The following RSRC1 variants were observed in gnomAD, a reference collection of about 807,000 sequenced individuals.
RSRC1 encodes serine/Arginine-related protein 53.
RSRC1 carries 39 observed loss-of-function variants against 49.1 expected under a neutral mutation model. The observed-to-expected ratio is 0.79, with a 90% confidence interval of 0.61 to 1.04. The LOEUF is 1.04. RSRC1 is among the 50% of genes least tolerant of loss of function. The probability of loss-of-function intolerance (pLI) is 0.00; values close to 1 mark genes in which losing one functional copy is unlikely to be tolerated. For missense variants in RSRC1, 388 were observed against 402.4 expected, an observed-to-expected ratio of 0.96 and a Z score of 0.31; for synonymous variants, 143 against 130.8, an observed-to-expected ratio of 1.09 and a Z score of -0.63.
chr3:158,329,700 C>G (rs1729419496), intron 5 of RSRC1, among the ~76,000 whole-genome samples: 1 of 152,168 alleles, frequency 6.6e-6, no homozygotes, highest in Non-Finnish European at 1.5e-5. Context: ...CCACTTGAGA[C>G]AGTCTGAACA....
chr3:158,328,564 A>G (rs1252555929), intron 5 of RSRC1, among the ~76,000 whole-genome samples: 2 of 151,980 alleles, frequency 1.3e-5, no homozygotes, highest in East Asian at 1.9e-4. Context: ...ATTGGCCCCC[A>G]CTCTCTTCTG....
chr3:158,241,568 A>G (rs898141128), intron 4 of RSRC1, among the ~76,000 whole-genome samples: 1 of 152,064 alleles, frequency 6.6e-6, no homozygotes, highest in African/African-American at 2.4e-5. Flanking sequence ...TGCAGAGCTT[A>G]AAATGCTAGT....
At chr3:158,295,009 A>G (rs1578301420) in intron 4 of RSRC1, among the ~76,000 whole-genome samples, 1 of 152,210 alleles carries the variant, frequency 6.6e-6, no homozygotes, top group South Asian at 2.1e-4. Context: ...GACGTAATGC[A>G]TATCGCCAAG....
chr3:158,206,775 A>C (rs827144), intron 4 of RSRC1, among the ~76,000 whole-genome samples: 1 of 151,554 alleles, frequency 6.6e-6, no homozygotes, highest in Non-Finnish European at 1.5e-5. Context: ...TTAGCTGGGC[A>C]TAGTGGTGCG....
At chr3:158,380,015 A>G (rs1732618133) in intron 6 of RSRC1, among the ~76,000 whole-genome samples, 1 of 152,052 alleles carries the variant, frequency 6.6e-6, no homozygotes, top group Admixed American at 6.5e-5. Flanking sequence ...GAACCTACAC[A>G]TCATTTGTGC....
At chr3:158,455,979 CAAAAAAAAAAAA>C (rs765828003) in intron 6 of RSRC1, among the ~76,000 whole-genome samples, 37 of 56,516 alleles carry the variant, frequency 6.5e-4, no homozygotes, top group South Asian at 1.9e-3. Context: ...GACTCCATCT[CAAAAAAAAAAAA>C]AAAAAAAAAA....
chr3:158,309,740 A>T lies in RSRC1; in HGVS notation c.531+11665A>T, dbSNP rs189263196. On this transcript the variant is annotated intron_variant, in intron 5 of 9. Transcript: ENST00000611884. ...ATCAAAATAGCTACCCGAATATGTGATACACAAAGAAAGCTTTAATCTAAA... is the reference window on the plus strand; with the variant it reads ...ATCAAAATAGCTACCCGAATATGTGTTACACAAAGAAAGCTTTAATCTAAA... Among the ~76,000 whole-genome samples the T allele has an allele frequency of 6.6e-5, 10 of 151,890 alleles. No homozygotes were observed. The East Asian group carries it at 1.2e-3, about 18-fold the overall frequency.
chr3:158,216,727 A>G (rs1030446886), intron 4 of RSRC1, among the ~76,000 whole-genome samples: 15 of 151,674 alleles, frequency 9.9e-5, no homozygotes, highest in Admixed American at 7.9e-4. Context: ...TTTCCATCCT[A>G]TTTTATTATC....
chr3:158,250,699 T>G (rs1197244478), intron 4 of RSRC1, among the ~76,000 whole-genome samples: 1 of 152,246 alleles, frequency 6.6e-6, no homozygotes, highest in Non-Finnish European at 1.5e-5. Context: ...ATTGAGTTCC[T>G]TATATATTCT....
chr3:158,439,830 TAAAA>T lies in RSRC1; in HGVS notation c.584-21101_584-21098del, dbSNP rs977053265. Reference sequence around the variant, plus strand: ...AAGTACAATAAAAATTTAAAAATAATAAAAAAAGGTTACAGTGTGATAGGACTAC... The same window carrying T: ...AAGTACAATAAAAATTTAAAAATAATAAAGGTTACAGTGTGATAGGACTAC... On this transcript the variant is annotated intron_variant, in intron 6 of 9. Transcript: ENST00000611884. 2.0e-5 allele frequency among the ~76,000 whole-genome samples: 3 copies of T among 151,346 alleles called. No homozygotes were observed. The South Asian group carries it at 6.3e-4, about 32-fold the overall frequency.
intron 4 of RSRC1, among the ~76,000 whole-genome samples, chr3:158,204,195 A>G (rs1198118522): frequency 6.6e-6 from 1 of 152,180 alleles, no homozygotes; most frequent in African/African-American, 2.4e-5. Flanking sequence ...ATTAAAAGAT[A>G]CAGAACTCTT....
intron 6 of RSRC1, among the ~76,000 whole-genome samples, chr3:158,409,105 GAAC>G (rs1734296802): frequency 6.6e-6 from 1 of 151,982 alleles, no homozygotes; most frequent in Non-Finnish European, 1.5e-5. Flanking sequence ...ACGTAGAGGG[GAAC>G]AACAGCACAC....
At chr3:158,278,591 T>C (rs965731488) in intron 4 of RSRC1, among the ~76,000 whole-genome samples, 9 of 152,260 alleles carry the variant, frequency 5.9e-5, no homozygotes, top group African/African-American at 2.2e-4. Context: ...CCGCTTGGAC[T>C]CATTTGCCTT....
chr3:158,119,832 C>CTTT (rs35646318), intron 1 of RSRC1, among the ~76,000 whole-genome samples: 5,762 of 129,024 alleles, frequency 0.045, 248 homozygotes, highest in Non-Finnish European at 0.05. Context: ...ATTTCATAGT[C>CTTT]TTTTTTTTTT....
intron 3 of RSRC1, among the ~76,000 whole-genome samples, chr3:158,146,128 C>T (rs572831023): frequency 6.6e-6 from 1 of 152,132 alleles, no homozygotes; most frequent in African/African-American, 2.4e-5. Context: ...ATTCCTTTCT[C>T]CTGCCTGATT....
In RSRC1 at chr3:158,253,016, T is replaced by C. The variant is rs550099304; in HGVS notation, c.495-45023T>C. ...CTAAAGGTTTTCTTAATTTTCTTTC[T>C]TTTCAGAAAATGAACTTTTTCTTTC... On this transcript the variant is annotated intron_variant, in intron 4 of 9. Coordinates refer to ENST00000611884, the MANE Select transcript of RSRC1 (RefSeq NM_001271838.2). Among the ~76,000 whole-genome samples the C allele has an allele frequency of 1.3e-4, 20 of 149,758 alleles. No individual in the cohort carries two copies. In the South Asian group the frequency reaches 4.2e-3, roughly 31 times the overall value.
intron 7 of RSRC1, 133 bp downstream of exon 7, chr3:158,461,136 C>A: frequency 2.0e-6 from 1 of 510,734 alleles, no homozygotes; most frequent in Non-Finnish European, 3.5e-6. Context: ...GACACAATAG[C>A]ACACTATATT....
chr3:158,455,945 A>G (rs1358598579), intron 6 of RSRC1, among the ~76,000 whole-genome samples: 2 of 127,986 alleles, frequency 1.6e-5, no homozygotes, highest in Non-Finnish European at 1.6e-5. Flanking sequence ...TTGACATTGC[A>G]CTCCAGCCTG....
chr3:158,314,258 T>C (rs957831187), intron 5 of RSRC1, among the ~76,000 whole-genome samples: 2 of 152,088 alleles, frequency 1.3e-5, no homozygotes, highest in Non-Finnish European at 2.9e-5. Flanking sequence ...GCCTGGCTAA[T>C]TTCTGTACTT....
Sources: gnomAD v4.1 joint callset for allele counts (sites outside exome capture counted in the v4.1 genomes callset) on GRCh38, gnomAD v4.1.1 for gene constraint, MANE v1.5 for transcripts, NCBI Gene and HGNC (gene_info 2026-07-23, HGNC 2026-07-21) for gene names.